UNC5A: variants seen among roughly 807,000 people sequenced by gnomAD.
The protein encoded by UNC5A is unc-5 netrin receptor A, also known as netrin receptor UNC5A.
UNC5A carries 20 observed loss-of-function variants against 87.4 expected under a neutral mutation model. That is an observed-to-expected ratio of 0.23 (90% CI 0.16 to 0.33). The LOEUF (loss-of-function observed/expected upper bound fraction) is 0.33. Among genes scored for constraint, UNC5A ranks in the 10% least tolerant of loss-of-function variants. The pLI is 1.00. For synonymous variants in UNC5A, 438 were observed against 482.3 expected (o/e 0.91, Z 1.20); for missense variants, 844 against 1,133.4 (o/e 0.74, Z 3.67).
intron 1 of UNC5A, among the ~76,000 whole-genome samples, chr5:176,847,675 C>T (rs1757444919): frequency 6.6e-6 from 1 of 151,778 alleles, no homozygotes; most frequent in Non-Finnish European, 1.5e-5. Context: ...AGCCCGATAG[C>T]CATAAATACC....
chr5:176,872,167 GC>G (rs1758132813), intron 6 of UNC5A, among the ~76,000 whole-genome samples: 1 of 83,166 alleles, frequency 1.2e-5, no homozygotes, highest in Non-Finnish European at 2.3e-5. Flanking sequence ...CTTCCCATCT[GC>G]CCACACTCGC....
At chr5:176,820,914 G>A (rs950601695) in intron 1 of UNC5A, among the ~76,000 whole-genome samples, 1 of 152,194 alleles carries the variant, frequency 6.6e-6, no homozygotes, top group South Asian at 2.1e-4. Flanking sequence ...TTAAGCTTCT[G>A]TTCCTTCTCT....
intron 1 of UNC5A, among the ~76,000 whole-genome samples, chr5:176,843,807 C>T (rs1399009349): frequency 5.3e-5 from 8 of 152,304 alleles, no homozygotes; most frequent in African/African-American, 1.4e-4. Context: ...TGGGCCCGGC[C>T]GTGGTGTGTG....
At chr5:176,877,318 C>T in intron 9 of UNC5A, 39 bp downstream of exon 9, 1 of 1,556,960 alleles carries the variant, frequency 6.4e-7, no homozygotes. Flanking sequence ...TGGGAGGGAC[C>T]TGCCTGCTGC....
Position 176,874,276 on chromosome 5 carries a change from T to C in UNC5A, c.1088T>C (p.Leu363Pro), listed in dbSNP as rs1758205631. ...CTTTATCCTGCAGACAACCCCCATCTGCTCACCATCCAGCCGGACCTCAGC... is the reference window on the plus strand; with the variant it reads ...CTTTATCCTGCAGACAACCCCCATCCGCTCACCATCCAGCCGGACCTCAGC... The part of the protein sequence containing the change: ...IKPSKADNPH[L>P]LTIQPDLSTT... The change falls in exon 8 of 15, where the codon CTG becomes CCG. Residue 363 changes from leucine (L) to proline (P), a missense_variant. Leu to Pro is a moderately conservative substitution (Grantham distance 98, BLOSUM62 -3). Coordinates refer to ENST00000329542, the MANE Select transcript of UNC5A (RefSeq NM_133369.3). The surrounding 1 kb of genome is among the most constrained non-coding windows in gnomAD (Gnocchi z 7.6). 1 of 1,590,478 alleles carries C rather than the reference T, an allele frequency of 6.3e-7. No individual in the cohort carries two copies. The highest frequency in any genetic ancestry group is 1.7e-5 in the Admixed American group (1 of 58,122).
chr5:176,869,057 C>G lies in UNC5A; in HGVS notation c.721+93C>G. The G allele has an allele frequency of 9.3e-6, 13 of 1,393,358 alleles. No homozygotes were observed. Among genetic ancestry groups the G allele is most frequent in the Non-Finnish European group, 1.2e-5 (13 of 1,041,726 alleles). 86.3% of individuals were successfully genotyped at this position (1,393,358 alleles called of 1,614,324 possible). A position where few individuals can be genotyped will look rare whatever the true frequency, so the allele number is the denominator to read the frequency against. ...GGTGGGGTGAAGAGAGGCCATGAGG[C>G]CAAAGCCAGGTGGACCAGATCGTGC... On this transcript the variant is annotated intron_variant, in intron 5 of 14. Coordinates refer to ENST00000329542, the MANE Select transcript of UNC5A (RefSeq NM_133369.3). This position sits in a 1 kb window ranked among gnomAD's most constrained non-coding sequence, Gnocchi z 9.1.
In UNC5A at chr5:176,880,195, C is replaced by T. The variant is rs1005662528; in HGVS notation, c.*309C>T. On this transcript the variant is annotated 3_prime_UTR_variant, in exon 15 of 15. Transcript: ENST00000329542. ...GTGCGTGTGATGCTACCTCTCCTCCCGTCCCTCTCCAGGGGCCCCGCATAC... is the reference window on the plus strand; with the variant it reads ...GTGCGTGTGATGCTACCTCTCCTCCTGTCCCTCTCCAGGGGCCCCGCATAC... The T allele has an allele frequency of 3.7e-5, 11 of 298,928 alleles. No homozygotes were observed. Among genetic ancestry groups the T allele is most frequent in the African/African-American group, 2.4e-4 (11 of 46,396 alleles). The allele number at this position is 298,928 out of a possible 1,614,324, so 18.5% of individuals were successfully genotyped here.
intron 1 of UNC5A, among the ~76,000 whole-genome samples, chr5:176,819,673 G>C (rs978689271): frequency 6.6e-6 from 1 of 152,146 alleles, no homozygotes; most frequent in Non-Finnish European, 1.5e-5. Context: ...TCCATCATTG[G>C]TCCACCTCCA....
rs145793659 is a variant in UNC5A at position 176,862,704 on chromosome 5, G to A, written c.151G>A (p.Glu51Lys). ...GCTTCCCCACTTCCTGGTGGAGCCC[G>A]AGGATGTGTACATCGTCAAGAACAA... The part of the protein sequence containing the change: ...DLLPHFLVEP[E>K]DVYIVKNKPV... Residue 51 changes from glutamate to lysine, a missense_variant, in exon 2 of 15, where the codon GAG (glutamate) becomes AAG (lysine). Physicochemically the swap from Glu to Lys is moderately conservative, Grantham distance 56 (BLOSUM62 1). Transcript: ENST00000329542. 1.2e-5 allele frequency: 19 copies of A among 1,613,406 alleles called. No homozygotes were observed. The highest frequency in any genetic ancestry group is 3.3e-4 in the Middle Eastern group (2 of 6,084).
chr5:176,869,451 C>A lies in UNC5A; in HGVS notation c.721+487C>A, dbSNP rs902043411. On this transcript the variant is annotated intron_variant, in intron 5 of 14. Coordinates refer to ENST00000329542, the MANE Select transcript of UNC5A (RefSeq NM_133369.3). This position sits in a 1 kb window ranked among gnomAD's most constrained non-coding sequence, Gnocchi z 9.1. ...GCGTGCGTGCTGCAGGGCCCGGGGG[C>A]CAGCAGGCACGAGCATGGCCTCCCC... Among the ~76,000 whole-genome samples, 2 of 152,092 alleles carry A rather than the reference C, an allele frequency of 1.3e-5. No homozygotes were observed. The highest frequency in any genetic ancestry group is 2.9e-5 in the Non-Finnish European group (2 of 67,982).
chr5:176,821,106 A>T (rs2113588128), intron 1 of UNC5A, among the ~76,000 whole-genome samples: 1 of 152,302 alleles, frequency 6.6e-6, no homozygotes, highest in South Asian at 2.1e-4. Context: ...AGATGTCAGC[A>T]GCAGGGCTCA....
chr5:176,815,281 A>G (rs1018797296), intron 1 of UNC5A, among the ~76,000 whole-genome samples: 2 of 152,236 alleles, frequency 1.3e-5, no homozygotes, highest in Non-Finnish European at 2.9e-5. Flanking sequence ...ACGCTCAGAC[A>G]GGAGCTCAGC....
Position 176,879,669 on chromosome 5 carries a change from G to A in UNC5A, c.2364-52G>A, listed in dbSNP as rs1303647508. ...CTGGGGTGGGCCAGGGGGGGCAGGAGGTGTCGGCTGGGGCCAGGCCAGGCT... is the reference window on the plus strand; with the variant it reads ...CTGGGGTGGGCCAGGGGGGGCAGGAAGTGTCGGCTGGGGCCAGGCCAGGCT... On this transcript the variant is annotated intron_variant, in intron 14 of 14. Coordinates refer to ENST00000329542, the MANE Select transcript of UNC5A (RefSeq NM_133369.3). The A allele has an allele frequency of 2.5e-6, 4 of 1,598,216 alleles. No homozygotes were observed. In the East Asian group the frequency reaches 6.7e-5, roughly 27 times the overall value.
intron 13 of UNC5A, among the ~76,000 whole-genome samples, chr5:176,879,008 G>C (rs1470103633): frequency 6.6e-6 from 1 of 152,168 alleles, no homozygotes; most frequent in Non-Finnish European, 1.5e-5. Context: ...AGGCCGTGAA[G>C]AGAGCTGTGT....
chr5:176,839,833 T>C (rs112119413), intron 1 of UNC5A, among the ~76,000 whole-genome samples: 3,447 of 141,322 alleles, frequency 0.024, 95 homozygotes, highest in African/African-American at 0.092. Flanking sequence ...TTTTTTTTTT[T>C]CTTGACAGAG....
rs565155075 is a variant in UNC5A, at chr5:176,877,965, C to T, written c.1707C>T (p.Tyr569=). 168 of 1,604,648 alleles carry T rather than the reference C, an allele frequency of 1.0e-4. 1 individual carries two copies. The East Asian group carries it at 2.9e-3, about 28-fold the overall frequency. The change falls in exon 11 of 15, where the codon TAC becomes TAT. Residue 569 remains tyrosine, a synonymous_variant. Transcript: ENST00000329542. ...YYCQLEASAC[Y]VFTEQLGRFA... is the part of the protein sequence containing the mutation. ...GCCAGCTGGAGGCCAGTGCCTGCTACGTCTTCACCGAGCAGCTGGGCCGCT... is the reference window on the plus strand; with the variant it reads ...GCCAGCTGGAGGCCAGTGCCTGCTATGTCTTCACCGAGCAGCTGGGCCGCT...
chr5:176,819,070 G>A (rs1381958313), intron 1 of UNC5A, among the ~76,000 whole-genome samples: 1 of 152,212 alleles, frequency 6.6e-6, no homozygotes, highest in Non-Finnish European at 1.5e-5. Context: ...TTCTGGGGCC[G>A]CACAGGTTGG....
At chr5:176,863,199 A>C (rs1377977356) in intron 2 of UNC5A, among the ~76,000 whole-genome samples, 1 of 152,164 alleles carries the variant, frequency 6.6e-6, no homozygotes, top group African/African-American at 2.4e-5. Context: ...CTCAGCAGGG[A>C]GAGAGGCCCC....
intron 1 of UNC5A, among the ~76,000 whole-genome samples, chr5:176,857,923 G>A (rs1235180420): frequency 6.6e-6 from 1 of 152,226 alleles, no homozygotes; most frequent in Non-Finnish European, 1.5e-5. Flanking sequence ...GGGAAACTAG[G>A]GATGAGTGGG....
Sources: allele counts gnomAD v4.1 joint callset (sites outside exome capture counted in the v4.1 genomes callset), GRCh38; gene constraint gnomAD v4.1.1; non-coding constraint Gnocchi (gnomAD v3.1); transcripts MANE v1.5; gene names NCBI Gene and HGNC (gene_info 2026-07-23, HGNC 2026-07-21).